Variants in HSD17B12 observed in about 807,000 individuals in gnomAD.
HSD17B12 encodes hydroxysteroid 17-beta dehydrogenase 12, also known as very-long-chain 3-oxoacyl-CoA reductase.
Under a neutral mutation model 39.3 loss-of-function variants are expected in HSD17B12, and 32 were observed. The ratio of observed to expected loss-of-function variants is 0.81; its 90% CI spans 0.61 to 1.09. The LOEUF (loss-of-function observed/expected upper bound fraction) is 1.09. HSD17B12 is among the 50% of genes least tolerant of loss of function. The pLI, the probability that HSD17B12 is intolerant of heterozygous loss-of-function variation, is 0.00. For synonymous variants in HSD17B12, 150 were observed against 146.7 expected (o/e 1.02, Z -0.16); for missense variants, 342 against 382.9 (o/e 0.89, Z 0.89).
chr11:43,768,539 T>C (rs185513268), intron 3 of HSD17B12, among the ~76,000 whole-genome samples: 65 of 152,200 alleles, frequency 4.3e-4, no homozygotes, highest in African/African-American at 1.4e-3. Context: ...GAGTGTTATA[T>C]AGCGCTTAAA....
chr11:43,810,089 AG>A (rs1951055787), intron 4 of HSD17B12, among the ~76,000 whole-genome samples: 1 of 152,082 alleles, frequency 6.6e-6, no homozygotes. Flanking sequence ...GGTGATCTGT[AG>A]GGGGTTACCC....
chr11:43,745,865 G>T (rs911280422), intron 1 of HSD17B12, among the ~76,000 whole-genome samples: 5 of 151,924 alleles, frequency 3.3e-5, no homozygotes, highest in Admixed American at 2.0e-4. Flanking sequence ...GAAAAAAAAA[G>T]GTTGGTCAGG....
At chr11:43,600,992 G>A in the HSD17B12 span, among the ~76,000 whole-genome samples, 1 of 151,442 alleles carries the variant, frequency 6.6e-6, no homozygotes, top group Non-Finnish European at 1.5e-5. Context: ...CCTGATTTAA[G>A]TCCTTTCCAT....
chr11:43,655,157 C>T, the HSD17B12 span, among the ~76,000 whole-genome samples: 1 of 152,132 alleles, frequency 6.6e-6, no homozygotes, highest in South Asian at 2.1e-4. Context: ...ATTTTATTCT[C>T]TTTGAAGCAA....
chr11:43,604,633 T>A, the HSD17B12 span, among the ~76,000 whole-genome samples: 1 of 152,238 alleles, frequency 6.6e-6, no homozygotes, highest in African/African-American at 2.4e-5. Flanking sequence ...TGGCATCAAG[T>A]ACAGGATTCT....
chr11:43,753,751 T>G (rs2134947777), intron 2 of HSD17B12, among the ~76,000 whole-genome samples: 1 of 151,930 alleles, frequency 6.6e-6, no homozygotes, highest in Admixed American at 6.6e-5. Context: ...ATTATAGAAG[T>G]GGTAGACACT....
upstream of HSD17B12, among the ~76,000 whole-genome samples, chr11:43,679,543 A>G (rs1040932846): frequency 2.6e-5 from 4 of 152,106 alleles, no homozygotes; most frequent in South Asian, 6.2e-4. Context: ...CGTAGTTCCC[A>G]TGCCTCTATC....
At chr11:43,664,010 T>G in the HSD17B12 span, among the ~76,000 whole-genome samples, 9 of 151,888 alleles carry the variant, frequency 5.9e-5, no homozygotes, top group African/African-American at 2.2e-4. Context: ...CCACCATGCC[T>G]GGCTAATTTC....
intron 3 of HSD17B12, among the ~76,000 whole-genome samples, chr11:43,774,493 A>G (rs1037424408): frequency 1.3e-5 from 2 of 152,174 alleles, no homozygotes; most frequent in Admixed American, 1.3e-4. Flanking sequence ...GACTACAGGC[A>G]TGAGCCACCA....
upstream of HSD17B12, chr11:43,680,554 G>A: frequency 2.1e-6 from 1 of 482,386 alleles, no homozygotes; most frequent in East Asian, 4.1e-5. Flanking sequence ...GAGACAGGGC[G>A]CTCACTGGCG....
the HSD17B12 span, among the ~76,000 whole-genome samples, chr11:43,572,616 T>C: frequency 6.6e-6 from 1 of 152,156 alleles, no homozygotes; most frequent in Admixed American, 6.5e-5. Context: ...ATGGGAAAAA[T>C]AATAACTGTT....
At chr11:43,597,271 G>T in the HSD17B12 span, among the ~76,000 whole-genome samples, 1 of 152,188 alleles carries the variant, frequency 6.6e-6, no homozygotes, top group Non-Finnish European at 1.5e-5. Context: ...ATGAATTAAG[G>T]GTATGTCTGG....
rs571276036 is a variant in HSD17B12, at chr11:43,728,879, C to T, written c.161-22032C>T. Reference sequence around the variant, plus strand: ...GATAACTGTATTGTGTTCTATTGTACTGATATGCTATAATGTGTAATATAG... The same window carrying T: ...GATAACTGTATTGTGTTCTATTGTATTGATATGCTATAATGTGTAATATAG... On this transcript the variant is annotated intron_variant, in intron 1 of 10. Coordinates refer to ENST00000278353, the MANE Select transcript of HSD17B12 (RefSeq NM_016142.3). 2.6e-5 allele frequency among the ~76,000 whole-genome samples: 4 copies of T among 152,144 alleles called. No individual in the cohort carries two copies. The South Asian group carries it at 8.3e-4, about 32-fold the overall frequency.
At chr11:43,593,215 T>C in the HSD17B12 span, among the ~76,000 whole-genome samples, 1 of 152,234 alleles carries the variant, frequency 6.6e-6, no homozygotes, top group Non-Finnish European at 1.5e-5. Context: ...GAAGCTACCC[T>C]AATGTTAGAA....
chr11:43,694,230 G>A (rs1949889556), intron 1 of HSD17B12, among the ~76,000 whole-genome samples: 1 of 152,116 alleles, frequency 6.6e-6, no homozygotes, highest in African/African-American at 2.4e-5. Context: ...GCAGTGACTG[G>A]TATAAGGGTT....
intron 3 of HSD17B12, among the ~76,000 whole-genome samples, chr11:43,768,394 C>T (rs61883803): frequency 0.052 from 7,931 of 152,204 alleles, 230 homozygotes; most frequent in African/African-American, 0.061. Context: ...TCACTCTGTA[C>T]CCCAGGCTAG....
intron 4 of HSD17B12, chr11:43,806,130 G>C (rs561673327): frequency 6.6e-6 from 1 of 152,084 alleles, no homozygotes; most frequent in Non-Finnish European, 1.5e-5. Context: ...AAGCTCTACC[G>C]GGCTTCAGTT....
At chr11:43,738,767 G>A (rs1950338707) in intron 1 of HSD17B12, among the ~76,000 whole-genome samples, 2 of 152,210 alleles carry the variant, frequency 1.3e-5, no homozygotes, top group African/African-American at 4.8e-5. Context: ...ACAGAATCCT[G>A]TGTGATGAAT....
chr11:43,742,339 G>A (rs1054885733), intron 1 of HSD17B12, among the ~76,000 whole-genome samples: 2 of 150,772 alleles, frequency 1.3e-5, no homozygotes, highest in African/African-American at 4.9e-5. Context: ...TTGGGGTCTC[G>A]CTATGTTGCC....
Sources: gnomAD v4.1 joint callset for allele counts (sites outside exome capture counted in the v4.1 genomes callset) on GRCh38, gnomAD v4.1.1 for gene constraint, MANE v1.5 for transcripts, NCBI Gene and HGNC (gene_info 2026-07-23, HGNC 2026-07-21) for gene names.